The following ADAMTSL3 variants were observed in gnomAD, a reference collection of about 807,000 sequenced individuals.
ADAMTSL3 encodes the protein ADAMTS like 3.
In ADAMTSL3, 128 loss-of-function variants were observed where a neutral mutation model predicts 201.7. The observed-to-expected ratio is 0.63, with a 90% CI of 0.55 to 0.73. The LOEUF (loss-of-function observed/expected upper bound fraction) is 0.73. Among genes scored for constraint, ADAMTSL3 ranks in the 30% least tolerant of loss-of-function variants. The probability of loss-of-function intolerance (pLI) is 0.00; values close to 1 mark genes in which losing one functional copy is unlikely to be tolerated. For missense variants in ADAMTSL3, 1,990 were observed against 2,119.6 expected, an observed-to-expected ratio of 0.94 and a Z score of 1.20; for synonymous variants, 738 against 748.4, an observed-to-expected ratio of 0.99 and a Z score of 0.23.
intron 9 of ADAMTSL3, among the ~76,000 whole-genome samples, chr15:83,877,728 A>G (rs1023377806): frequency 6.6e-6 from 1 of 152,180 alleles, no homozygotes; most frequent in Non-Finnish European, 1.5e-5. Context: ...AATATGCCAT[A>G]TCCATACATT....
intron 9 of ADAMTSL3, among the ~76,000 whole-genome samples, chr15:83,872,564 C>CCT (rs1239630217): frequency 6.8e-6 from 1 of 146,310 alleles, no homozygotes; most frequent in Non-Finnish European, 1.5e-5. Flanking sequence ...CTCCTTAGGG[C>CCT]CTTCCTATGT....
At chr15:83,968,622 G>C (rs2142116681) in intron 19 of ADAMTSL3, among the ~76,000 whole-genome samples, 1 of 152,302 alleles carries the variant, frequency 6.6e-6, no homozygotes, top group East Asian at 1.9e-4. Context: ...CAAGGATCTA[G>C]AATCAGAAAT....
At chr15:83,658,176 C>A (rs1366324981) in intron 2 of ADAMTSL3, among the ~76,000 whole-genome samples, 1 of 152,208 alleles carries the variant, frequency 6.6e-6, no homozygotes, top group South Asian at 2.1e-4. Context: ...GTGGCATGAT[C>A]TCAGCTCACT....
chr15:83,993,762 GT>G (rs1459407050), intron 23 of ADAMTSL3, among the ~76,000 whole-genome samples: 1 of 152,060 alleles, frequency 6.6e-6, no homozygotes, highest in Non-Finnish European at 1.5e-5. Context: ...TTAAAAAAAA[GT>G]TTTTTTCTGT....
In ADAMTSL3 at chr15:83,698,899, C is replaced by T. The variant is rs564995116; in HGVS notation, c.70-5490C>T. On this transcript the variant is annotated intron_variant, in intron 2 of 29. Transcript: ENST00000286744. ...CAAGACACTTGACTATTCTGTTTGA[C>T]GCTAAATCTTCCCATGACCTAATAT... Among the ~76,000 whole-genome samples the T allele has an allele frequency of 5.3e-5, 8 of 152,184 alleles. No homozygotes were observed. In the East Asian group the frequency reaches 5.8e-4, roughly 11 times the overall value.
intron 2 of ADAMTSL3, among the ~76,000 whole-genome samples, chr15:83,702,905 T>C (rs1288977656): frequency 6.6e-6 from 1 of 152,132 alleles, no homozygotes; most frequent in Non-Finnish European, 1.5e-5. Flanking sequence ...CACTGACAGC[T>C]TGGACCATGT....
chr15:83,825,610 C>G (rs1372611463), intron 6 of ADAMTSL3, among the ~76,000 whole-genome samples: 1 of 152,044 alleles, frequency 6.6e-6, no homozygotes, highest in Non-Finnish European at 1.5e-5. Context: ...GGGTGAGACC[C>G]TGTTTCTAAA....
intron 13 of ADAMTSL3, among the ~76,000 whole-genome samples, chr15:83,896,472 A>G (rs934817573): frequency 6.6e-5 from 10 of 152,178 alleles, no homozygotes; most frequent in African/African-American, 9.7e-5. Context: ...TGAACTCTGG[A>G]CTTGATAATA....
chr15:83,918,862 A>G (rs991090153), intron 16 of ADAMTSL3, among the ~76,000 whole-genome samples: 2 of 152,208 alleles, frequency 1.3e-5, no homozygotes, highest in African/African-American at 2.4e-5. Context: ...GAGCGATCAC[A>G]TAGGAAGCTA....
At chr15:83,819,433 A>G (rs968412806) in intron 5 of ADAMTSL3, among the ~76,000 whole-genome samples, 15 of 152,102 alleles carry the variant, frequency 9.9e-5, no homozygotes, top group African/African-American at 2.9e-4. Flanking sequence ...AATTGAAAGC[A>G]TTTGGTTTCC....
At chr15:83,994,753 T>G (rs1261705823) in intron 23 of ADAMTSL3, among the ~76,000 whole-genome samples, 2 of 144,648 alleles carry the variant, frequency 1.4e-5, no homozygotes, top group Non-Finnish European at 3.0e-5. Flanking sequence ...CAAGCCACCA[T>G]GCCTGGCTAT....
rs2065972691 is a variant in ADAMTSL3, at chr15:83,913,489, G to A, written c.1987+111G>A. The stretch of plus-strand genomic sequence containing the variant: ...AAATTAGCAAAAGTCTAAAGGAGGT[G>A]AAGTCATTCAAATAACTGAAAATGA... On this transcript the variant is annotated intron_variant, in intron 16 of 29. Transcript: ENST00000286744. 4 of 1,084,146 alleles carry A rather than the reference G, an allele frequency of 3.7e-6. No homozygotes were observed. In the Admixed American group the frequency reaches 1.1e-4, roughly 30 times the overall value. The allele number at this position is 1,084,146 out of a possible 1,614,324, so 67.2% of individuals were successfully genotyped here.
chr15:83,762,460 C>T (rs1192570924), intron 3 of ADAMTSL3, among the ~76,000 whole-genome samples: 1 of 152,138 alleles, frequency 6.6e-6, no homozygotes, highest in East Asian at 1.9e-4. Flanking sequence ...GTTCTGGAGG[C>T]TGGGAAGTCT....
chr15:83,672,933 G>A (rs1186555090), intron 2 of ADAMTSL3, among the ~76,000 whole-genome samples: 3 of 152,204 alleles, frequency 2.0e-5, no homozygotes, highest in Non-Finnish European at 4.4e-5. Context: ...TCTCCTTCCC[G>A]TCCCTGGGAG....
intron 7 of ADAMTSL3, among the ~76,000 whole-genome samples, chr15:83,850,781 C>G (rs1213606662): frequency 6.6e-6 from 1 of 152,170 alleles, no homozygotes; most frequent in Non-Finnish European, 1.5e-5. Flanking sequence ...ACTCCTGGCT[C>G]CTGCCTCCTT....
At chr15:83,997,359 A>T (rs1026607400) in intron 23 of ADAMTSL3, among the ~76,000 whole-genome samples, 11 of 152,270 alleles carry the variant, frequency 7.2e-5, no homozygotes, top group African/African-American at 2.4e-4. Flanking sequence ...AAGTCGAGGC[A>T]GGTGGATCAC....
chr15:83,967,388 GACAA>G (rs1421921136), intron 19 of ADAMTSL3, among the ~76,000 whole-genome samples: 1 of 152,080 alleles, frequency 6.6e-6, no homozygotes, highest in Non-Finnish European at 1.5e-5. Flanking sequence ...AACAATAATA[GACAA>G]ACAGAAAGTC....
intron 6 of ADAMTSL3, among the ~76,000 whole-genome samples, chr15:83,823,511 A>G (rs181067012): frequency 6.6e-6 from 1 of 152,174 alleles, no homozygotes; most frequent in Admixed American, 6.5e-5. Context: ...TTTTCTTTCA[A>G]CCCACACATT....
intron 21 of ADAMTSL3, among the ~76,000 whole-genome samples, chr15:83,986,779 A>C (rs2067485195): frequency 6.6e-6 from 1 of 152,230 alleles, no homozygotes; most frequent in South Asian, 2.1e-4. Context: ...AGAAATCTCA[A>C]CTAGGAAGAG....
Sources: allele counts gnomAD v4.1 joint callset (sites outside exome capture counted in the v4.1 genomes callset), GRCh38; gene constraint gnomAD v4.1.1; transcripts MANE v1.5; gene names NCBI Gene and HGNC (gene_info 2026-07-23, HGNC 2026-07-21).